The following CLPTM1 variants were observed in gnomAD, a reference collection of about 807,000 sequenced individuals.
CLPTM1 encodes the protein putative lipid scramblase CLPTM1.
Under a neutral mutation model 77.3 loss-of-function variants are expected in CLPTM1, and 21 were observed. That is an observed-to-expected ratio of 0.27 (90% CI 0.19 to 0.39). The LOEUF (loss-of-function observed/expected upper bound fraction) is 0.39. Ranked by LOEUF, CLPTM1 falls within the 10% of genes least tolerant of loss-of-function variation. The pLI, the probability that CLPTM1 is intolerant of heterozygous loss-of-function variation, is 1.00. For missense variants in CLPTM1, 642 were observed against 921.2 expected (o/e 0.70, Z 3.92); for synonymous variants, 373 against 381.0 (o/e 0.98, Z 0.24).
chr19:44,978,785 G>C (rs1369927699), intron 5 of CLPTM1, among the ~76,000 whole-genome samples: 1 of 151,342 alleles, frequency 6.6e-6, no homozygotes, highest in Non-Finnish European at 1.5e-5. Flanking sequence ...TCATCTCTCA[G>C]TACTGGCACA....
rs1334977711 is a variant in CLPTM1 at position 44,993,007 on chromosome 19, G to A, written c.*110G>A. The A allele has an allele frequency of 2.4e-5, 32 of 1,361,526 alleles. No individual in the cohort carries two copies. The highest frequency in any genetic ancestry group is 3.0e-5 in the Non-Finnish European group (30 of 984,496). 84.3% of individuals were successfully genotyped at this position (1,361,526 alleles called of 1,614,324 possible). A position where few individuals can be genotyped will look rare whatever the true frequency, so the allele number is the denominator to read the frequency against. ...TTCCCTGGACAGATCAGGCCGGGGC[G>A]GTGGGAGGCCCGCCTCAGGTCAGGG... On this transcript the variant is annotated 3_prime_UTR_variant, in exon 14 of 14. Transcript: ENST00000337392.
intron 2 of CLPTM1, among the ~76,000 whole-genome samples, chr19:44,970,977 T>C (rs760790449): frequency 1.5e-5 from 2 of 137,768 alleles, no homozygotes; most frequent in Admixed American, 6.9e-5. Flanking sequence ...ATTACAGGCA[T>C]GCACCACCAC....
rs962667035 is a variant in CLPTM1, at chr19:44,987,023, A to G, written c.794-156A>G. Reference sequence around the variant, plus strand: ...GCCTCAGTCCCCTCTGCTGAGGTCAAGGCACCCTTTAGCTCCTCATGGTGT... The same window carrying G: ...GCCTCAGTCCCCTCTGCTGAGGTCAGGGCACCCTTTAGCTCCTCATGGTGT... On this transcript the variant is annotated intron_variant, in intron 7 of 13. Coordinates refer to ENST00000337392, the MANE Select transcript of CLPTM1 (RefSeq NM_001294.4). 9.1e-6 allele frequency: 9 copies of G among 986,402 alleles called. No individual in the cohort carries two copies. In the East Asian group the frequency reaches 9.7e-5, roughly 11 times the overall value. The allele number at this position is 986,402 out of a possible 1,614,324, so 61.1% of individuals were successfully genotyped here. A position where few individuals can be genotyped will look rare whatever the true frequency, so the allele number is the denominator to read the frequency against.
intron 6 of CLPTM1, 73 bp from the exon 7 acceptor site, chr19:44,986,382 G>A (rs1264856355): frequency 1.3e-6 from 2 of 1,538,148 alleles, no homozygotes; most frequent in African/African-American, 1.4e-5. Context: ...CCCTGGGGAG[G>A]AAGTGTACAG....
chr19:44,993,143 A>C lies in CLPTM1; in HGVS notation c.*246A>C. On this transcript the variant is annotated 3_prime_UTR_variant, in exon 14 of 14. Transcript: ENST00000337392. The stretch of plus-strand genomic sequence containing the variant: ...CATCTCGCCCTGCCAGCCCAGCACC[A>C]CTGGGAATCATGGTGAAGCTGATGC... The C allele has an allele frequency of 2.2e-6, 1 of 461,176 alleles. No homozygotes were observed. The highest frequency in any genetic ancestry group is 4.2e-6 in the Non-Finnish European group (1 of 237,816). The allele number at this position is 461,176 out of a possible 1,614,324, so 28.6% of individuals were successfully genotyped here.
intron 9 of CLPTM1, among the ~76,000 whole-genome samples, chr19:44,988,495 C>T (rs1005036161): frequency 4.6e-5 from 7 of 152,266 alleles, no homozygotes; most frequent in South Asian, 4.1e-4. Context: ...CCACCCTGCC[C>T]GGCAGGCTGC....
chr19:44,985,606 A>T (rs1301521056), intron 6 of CLPTM1, among the ~76,000 whole-genome samples: 1 of 152,204 alleles, frequency 6.6e-6, no homozygotes, highest in Non-Finnish European at 1.5e-5. Flanking sequence ...CGGAAGTGGC[A>T]GGCCAGGGAC....
chr19:44,992,170 G>A lies in CLPTM1; in HGVS notation c.1556-63G>A, dbSNP rs1432469866. The A allele has an allele frequency of 2.5e-6, 4 of 1,573,178 alleles. No individual in the cohort carries two copies. The African/African-American group carries it at 4.1e-5, about 16-fold the overall frequency. ...TGGTGAGGGGGCTGGTATGGCCAGT[G>A]CAGAGTGCACAGGGGAGAGGTGGGA... On this transcript the variant is annotated intron_variant, in intron 12 of 13. Coordinates refer to ENST00000337392, the MANE Select transcript of CLPTM1 (RefSeq NM_001294.4). The surrounding 1 kb of genome is among the most constrained non-coding windows in gnomAD (Gnocchi z 7.7).
In CLPTM1 at chr19:44,992,177, G is replaced by T; in HGVS notation, c.1556-56G>T. The T allele has an allele frequency of 1.3e-6, 2 of 1,592,370 alleles. No individual in the cohort carries two copies. The highest frequency in any genetic ancestry group is 1.7e-6 in the Non-Finnish European group (2 of 1,163,448). ...GGGGCTGGTATGGCCAGTGCAGAGT[G>T]CACAGGGGAGAGGTGGGAGAGGCCA... On this transcript the variant is annotated intron_variant, in intron 12 of 13. Transcript: ENST00000337392. The surrounding 1 kb of genome is among the most constrained non-coding windows in gnomAD (Gnocchi z 7.7).
At chr19:44,972,824 C>T (rs1970742847) in intron 2 of CLPTM1, among the ~76,000 whole-genome samples, 1 of 151,950 alleles carries the variant, frequency 6.6e-6, no homozygotes, top group Admixed American at 6.6e-5. Context: ...GATTTAGAGT[C>T]AAGGGTCTGC....
Position 44,985,066 on chromosome 19 carries a change from C to G in CLPTM1, c.587-152C>G, listed in dbSNP as rs2122318352. ...TTCGTTGAGATTTGGGGAGGCAGTT[C>G]TGGCATTCCAGGTCACATTGATCTC... On this transcript the variant is annotated intron_variant, in intron 5 of 13. Coordinates refer to ENST00000337392, the MANE Select transcript of CLPTM1 (RefSeq NM_001294.4). 3 of 585,378 alleles carry G rather than the reference C, an allele frequency of 5.1e-6. No homozygotes were observed. In the South Asian group the frequency reaches 6.0e-5, roughly 12 times the overall value. The allele number at this position is 585,378 out of a possible 1,614,324, so 36.3% of individuals were successfully genotyped here. A position where few individuals can be genotyped will look rare whatever the true frequency, so the allele number is the denominator to read the frequency against.
At chr19:44,977,601 C>A in intron 5 of CLPTM1, 141 bp downstream of exon 5, 1 of 701,690 alleles carries the variant, frequency 1.4e-6, no homozygotes, top group Non-Finnish European at 2.4e-6. Context: ...ATTGGCAGGG[C>A]AGGCTCAAGC....
rs369873479 is a variant in CLPTM1 at position 44,992,370 on chromosome 19, G to A, written c.1693G>A (p.Val565Ile). ...GTTCGCCTTTGTCATCAAGATGCCC[G>A]TTATGTACCGGATCGGCTGCCTGCG... ...DLFAFVIKMP[V>I]MYRIGCLRDD... is the part of the protein sequence containing the mutation. The change falls in exon 13 of 14, where the codon GTT becomes ATT. Residue 565 changes from valine to isoleucine, a missense_variant. Physicochemically the swap from Val to Ile is conservative, Grantham distance 29 (BLOSUM62 3). This residue lies in a region of CLPTM1 where 521 missense variants were observed against 800.4 expected (regional missense o/e 0.65). Coordinates refer to ENST00000337392, the MANE Select transcript of CLPTM1 (RefSeq NM_001294.4). This position sits in a 1 kb window ranked among gnomAD's most constrained non-coding sequence, Gnocchi z 7.7. 14 of 1,614,146 alleles carry A rather than the reference G, an allele frequency of 8.7e-6. No individual in the cohort carries two copies. Among genetic ancestry groups the A allele is most frequent in the Middle Eastern group, 3.3e-4 (2 of 6,060 alleles).
At chr19:44,978,792 C>CA (rs1453163473) in intron 5 of CLPTM1, among the ~76,000 whole-genome samples, 1 of 151,000 alleles carries the variant, frequency 6.6e-6, no homozygotes, top group East Asian at 2.0e-4. Flanking sequence ...TCAGTACTGG[C>CA]ACATTGGGGA....
At chr19:44,988,539 G>A (rs1971019807) in intron 9 of CLPTM1, among the ~76,000 whole-genome samples, 1 of 152,198 alleles carries the variant, frequency 6.6e-6, no homozygotes, top group African/African-American at 2.4e-5. Context: ...CTGAGTGGAC[G>A]GGGCCTGCCC....
upstream of CLPTM1, chr19:44,955,021 AGGACGCGAAGAATC>A: frequency 6.5e-7 from 1 of 1,535,714 alleles, no homozygotes; most frequent in South Asian, 1.2e-5. Context: ...TGGAACGAAA[AGGACGCGAAGAATC>A]GGCAGGGAGA....
At position 44,974,488 on chromosome 19, in the gene CLPTM1, C is replaced by G; in HGVS notation, c.359C>G (p.Ala120Gly). The part of the protein sequence containing the change: ...SEHEHFTDFN[A>G]TSALFWEQHD... ...CACGAGCACTTTACAGACTTCAACG[C>G]CACGTCGGCACTCTTCTGGGAACAG... The change falls in exon 4 of 14, where the codon GCC (alanine) becomes GGC (glycine). Residue 120 changes from alanine (A) to glycine (G), a missense_variant. Physicochemically the swap from Ala to Gly is moderately conservative, Grantham distance 60 (BLOSUM62 0). Transcript: ENST00000337392. 6.2e-7 allele frequency: 1 copy of G among 1,614,180 alleles called. No homozygotes were observed. Among genetic ancestry groups the G allele is most frequent in the Non-Finnish European group, 8.5e-7 (1 of 1,180,038 alleles).
intron 2 of CLPTM1, among the ~76,000 whole-genome samples, chr19:44,966,466 A>G (rs1381331032): frequency 6.6e-6 from 1 of 152,138 alleles, no homozygotes; most frequent in Non-Finnish European, 1.5e-5. Flanking sequence ...CATTTTTGTA[A>G]TTGGCCCTAA....
Position 44,990,931 on chromosome 19 carries a change from A to C in CLPTM1, c.1405A>C (p.Lys469Gln). ...DKSTYIESST[K>Q]VYDDMAFRYL... ...GTCCACGTATATCGAGTCCTCGACC[A>C]AAGTGTATGATGATGTGAGTGTCCT... Residue 469 changes from lysine to glutamine, a missense_variant, in exon 11 of 14, where the codon AAA becomes CAA. Physicochemically the swap from Lys to Gln is moderately conservative, Grantham distance 53. This residue lies in a region of CLPTM1 where 521 missense variants were observed against 800.4 expected (regional missense o/e 0.65). Transcript: ENST00000337392. The surrounding 1 kb of genome is among the most constrained non-coding windows in gnomAD (Gnocchi z 4.8). 1 of 1,613,098 alleles carries C rather than the reference A, an allele frequency of 6.2e-7. No homozygotes were observed. The highest frequency in any genetic ancestry group is 8.5e-7 in the Non-Finnish European group (1 of 1,179,126).
Sources: gnomAD v4.1 joint callset for allele counts (sites outside exome capture counted in the v4.1 genomes callset) on GRCh38, gnomAD v4.1.1 for gene constraint, gnomAD v4.1.1 regional missense constraint, Gnocchi (gnomAD v3.1) non-coding constraint, MANE v1.5 for transcripts, NCBI Gene and HGNC (gene_info 2026-07-23, HGNC 2026-07-21) for gene names.